ZFAND3: variants seen among roughly 807,000 people sequenced by gnomAD.
ZFAND3 encodes the protein AN1-type zinc finger protein 3.
Under a neutral mutation model 29.6 loss-of-function variants are expected in ZFAND3, and 10 were observed. The ratio of observed to expected loss-of-function variants is 0.34; its 90% CI spans 0.21 to 0.57. The LOEUF is 0.57. ZFAND3 is among the 20% of genes least tolerant of loss of function. The pLI is 0.86. For missense variants in ZFAND3, 230 were observed against 304.5 expected (o/e 0.76, Z 1.82); for synonymous variants, 128 against 112.6 (o/e 1.14, Z -0.87).
At chr6:37,877,228 C>T (rs1455321231) in intron 1 of ZFAND3, among the ~76,000 whole-genome samples, 5 of 152,112 alleles carry the variant, frequency 3.3e-5, no homozygotes, top group Non-Finnish European at 7.4e-5. Flanking sequence ...GTTGGTATTT[C>T]TTCCACACTT....
chr6:37,970,154 A>G (rs1404983432), intron 2 of ZFAND3, among the ~76,000 whole-genome samples: 1 of 152,156 alleles, frequency 6.6e-6, no homozygotes. Flanking sequence ...GAATAAATAT[A>G]AAAATAATTT....
intron 1 of ZFAND3, among the ~76,000 whole-genome samples, chr6:37,927,495 A>C (rs1761506859): frequency 6.6e-6 from 1 of 152,208 alleles, no homozygotes; most frequent in South Asian, 2.1e-4. Flanking sequence ...ACAATAGAGA[A>C]TGTTCTGCAA....
chr6:37,860,643 T>G (rs1164703826), intron 1 of ZFAND3, among the ~76,000 whole-genome samples: 15 of 143,272 alleles, frequency 1.0e-4, no homozygotes, highest in African/African-American at 2.8e-4. Context: ...CTTAGTTTTT[T>G]TTTTTTTTTT....
intron 5 of ZFAND3, 26 bp downstream of exon 5, chr6:38,116,765 T>TG (rs781343146): frequency 1.2e-6 from 2 of 1,610,290 alleles, no homozygotes; most frequent in African/African-American, 2.7e-5. Flanking sequence ...AGTGGCGTGA[T>TG]GGAGACTATA....
rs370782970 is a variant in ZFAND3 at position 38,125,228 on chromosome 6, TG to T, written c.529+8490del. Among the ~76,000 whole-genome samples the T allele has an allele frequency of 2.6e-5, 4 of 152,354 alleles. No homozygotes were observed. In the East Asian group the frequency reaches 7.7e-4, roughly 29 times the overall value. On this transcript the variant is annotated intron_variant, in intron 5 of 5. Transcript: ENST00000287218. ...CTATCTGTATTCCCCATTTAATCTT[TG>T]ATGTGTAAGTGTTCCAGTCTAAAAC...
chr6:37,963,250 A>G (rs1762230933), intron 2 of ZFAND3, among the ~76,000 whole-genome samples: 1 of 152,232 alleles, frequency 6.6e-6, no homozygotes, highest in Admixed American at 6.5e-5. Flanking sequence ...AAAGGCATTT[A>G]ATAATGAAGC....
intron 2 of ZFAND3, among the ~76,000 whole-genome samples, chr6:38,053,531 A>G (rs913412601): frequency 1.8e-4 from 28 of 152,172 alleles, no homozygotes; most frequent in East Asian, 3.9e-4. Context: ...TAAAAATACA[A>G]AAATTAGCCA....
intron 1 of ZFAND3, among the ~76,000 whole-genome samples, chr6:37,874,086 G>C (rs138278842): frequency 6.6e-6 from 1 of 152,274 alleles, no homozygotes; most frequent in Admixed American, 6.5e-5. Context: ...ATCAAGGTTT[G>C]TTGGCAGGGT....
intron 4 of ZFAND3, among the ~76,000 whole-genome samples, chr6:38,086,087 GAA>G (rs372583535): frequency 5.6e-4 from 85 of 152,264 alleles, no homozygotes; most frequent in African/African-American, 2.0e-3. Flanking sequence ...TCTTTTTTAA[GAA>G]ATTGTTTTGT....
intron 4 of ZFAND3, among the ~76,000 whole-genome samples, chr6:38,092,028 A>G (rs1479942361): frequency 2.0e-5 from 3 of 152,066 alleles, no homozygotes; most frequent in Admixed American, 6.6e-5. Context: ...GTCTGAAGAG[A>G]TGGTCCCATT....
At position 38,042,313 on chromosome 6, in the gene ZFAND3, C is replaced by CTTT. The variant is rs35136153; in HGVS notation, c.113-19264_113-19262dup. ...CACATATAACTCCTTCTTGAGCTTGCTTTTTTTTTTTTTTTTTTGAGATGG... is the reference window on the plus strand; with the variant it reads ...CACATATAACTCCTTCTTGAGCTTGCTTTTTTTTTTTTTTTTTTTTTGAGATGG... On this transcript the variant is annotated intron_variant, in intron 2 of 5. Coordinates refer to ENST00000287218, the MANE Select transcript of ZFAND3 (RefSeq NM_021943.3). 2.5e-3 allele frequency among the ~76,000 whole-genome samples: 234 copies of CTTT among 91,888 alleles called. 1 individual carries two copies. Among genetic ancestry groups the CTTT allele is most frequent in the African/African-American group, 8.3e-3 (219 of 26,396 alleles). 60.3% of individuals were successfully genotyped at this position (91,888 alleles called of 152,430 possible).
At chr6:38,137,575 T>C (rs1173084293) in intron 5 of ZFAND3, among the ~76,000 whole-genome samples, 1 of 152,254 alleles carries the variant, frequency 6.6e-6, no homozygotes, top group Non-Finnish European at 1.5e-5. Flanking sequence ...GGTGCTTTTA[T>C]TCTTTAGGGG....
intron 2 of ZFAND3, among the ~76,000 whole-genome samples, chr6:38,041,092 T>C (rs2201645): frequency 0.49 from 74,036 of 151,966 alleles, 18,796 homozygotes; most frequent in East Asian, 0.86. Flanking sequence ...GTAAGGGGTA[T>C]GGGCCAGTTA....
At chr6:38,014,119 G>T (rs1408621117) in intron 2 of ZFAND3, among the ~76,000 whole-genome samples, 1 of 152,088 alleles carries the variant, frequency 6.6e-6, no homozygotes, top group African/African-American at 2.4e-5. Flanking sequence ...GAATGGTAAA[G>T]CAAATGGGGG....
chr6:37,945,582 C>G (rs1761887245), intron 2 of ZFAND3, among the ~76,000 whole-genome samples: 1 of 152,098 alleles, frequency 6.6e-6, no homozygotes, highest in South Asian at 2.1e-4. Flanking sequence ...GCCATGTTGG[C>G]TAGTCTAGTC....
chr6:38,001,435 A>G (rs1581828621), intron 2 of ZFAND3, among the ~76,000 whole-genome samples: 1 of 152,212 alleles, frequency 6.6e-6, no homozygotes, highest in South Asian at 2.1e-4. Context: ...GTGTTCTGTT[A>G]CAAATGATCT....
intron 4 of ZFAND3, among the ~76,000 whole-genome samples, chr6:38,082,688 T>C (rs1764686990): frequency 1.3e-5 from 2 of 152,128 alleles, no homozygotes; most frequent in Admixed American, 6.6e-5. Context: ...GACATCAAAA[T>C]ATACATAATT....
chr6:38,030,870 A>G (rs1333639289), intron 2 of ZFAND3, among the ~76,000 whole-genome samples: 1 of 152,198 alleles, frequency 6.6e-6, no homozygotes. Context: ...TGTTGTTTAA[A>G]TGAATGTTGA....
intron 3 of ZFAND3, among the ~76,000 whole-genome samples, chr6:38,078,269 C>T (rs2127469455): frequency 6.6e-6 from 1 of 152,234 alleles, no homozygotes; most frequent in East Asian, 1.9e-4. Context: ...ATAGAAACAT[C>T]CCTAGAAGAA....
Sources: gnomAD v4.1 joint callset for allele counts (sites outside exome capture counted in the v4.1 genomes callset) on GRCh38, gnomAD v4.1.1 for gene constraint, MANE v1.5 for transcripts, NCBI Gene and HGNC (gene_info 2026-07-23, HGNC 2026-07-21) for gene names.